Variants in NAV3 observed in about 807,000 individuals in gnomAD.
NAV3 encodes pore membrane and/or filament interacting like protein 1.
Under a neutral mutation model 244.7 loss-of-function variants are expected in NAV3, and 87 were observed. That is an observed-to-expected ratio of 0.36 (90% CI 0.30 to 0.42). The LOEUF is 0.42. NAV3 is among the 20% of genes least tolerant of loss of function. The pLI, the probability that NAV3 is intolerant of heterozygous loss-of-function variation, is 1.00. For missense variants in NAV3, 2,663 were observed against 2,893.3 expected, an observed-to-expected ratio of 0.92 and a Z score of 1.83; for synonymous variants, 1,126 against 1,042.2, an observed-to-expected ratio of 1.08 and a Z score of -1.55.
chr12:78,128,667 G>A, intron 17 of NAV3, 39 bp from the exon 18 acceptor site: 1 of 1,592,472 alleles, frequency 6.3e-7, no homozygotes, highest in Non-Finnish European at 8.6e-7. Flanking sequence ...CCTTGCCCTT[G>A]TAGATGTGCT....
chr12:77,848,133 T>C (rs370521000), intron 1 of NAV3, among the ~76,000 whole-genome samples: 5 of 152,192 alleles, frequency 3.3e-5, no homozygotes, highest in African/African-American at 1.2e-4. Context: ...CTAATGAACG[T>C]AGTAAAACTT....
At chr12:77,682,135 C>T (rs1156693343) in intron 2 of NAV3, among the ~76,000 whole-genome samples, 1 of 152,024 alleles carries the variant, frequency 6.6e-6, no homozygotes, top group Non-Finnish European at 1.5e-5. Context: ...TGGTCCCCTG[C>T]CACCCCCCAC....
intron 39 of NAV3, among the ~76,000 whole-genome samples, chr12:78,209,882 C>G (rs1960721220): frequency 6.6e-6 from 1 of 152,340 alleles, no homozygotes; most frequent in East Asian, 1.9e-4. Flanking sequence ...GTCACCTCCT[C>G]CCGAGGTCAG....
intron 3 of NAV3, among the ~76,000 whole-genome samples, chr12:77,963,014 TGTTA>T (rs71440502): frequency 0.095 from 14,415 of 152,198 alleles, 862 homozygotes; most frequent in Non-Finnish European, 0.13. Flanking sequence ...ATTTGAATTT[TGTTA>T]GTTTGTTTGA....
At chr12:77,694,653 A>G (rs961652180) in intron 2 of NAV3, among the ~76,000 whole-genome samples, 2 of 152,128 alleles carry the variant, frequency 1.3e-5, no homozygotes, top group African/African-American at 4.8e-5. Flanking sequence ...TGGCCCTTCT[A>G]GATACTTAAT....
intron 9 of NAV3, among the ~76,000 whole-genome samples, chr12:78,028,782 A>G (rs114356577): frequency 0.016 from 2,419 of 152,324 alleles, 68 homozygotes; most frequent in African/African-American, 0.055. Context: ...AATTTATTTG[A>G]TTATATTTAT....
chr12:78,004,638 C>G (rs1593252521), intron 7 of NAV3, among the ~76,000 whole-genome samples: 1 of 152,326 alleles, frequency 6.6e-6, no homozygotes, highest in African/African-American at 2.4e-5. Flanking sequence ...GTAGAAACTA[C>G]AGGTGCTGCC....
At chr12:77,731,119 A>G (rs1475064233) in intron 2 of NAV3, among the ~76,000 whole-genome samples, 1 of 152,014 alleles carries the variant, frequency 6.6e-6, no homozygotes, top group Non-Finnish European at 1.5e-5. Flanking sequence ...TGAAGATAGC[A>G]TGAGATTCAG....
chr12:78,165,509 T>A (rs1957743855), intron 23 of NAV3, among the ~76,000 whole-genome samples: 1 of 151,974 alleles, frequency 6.6e-6, no homozygotes, highest in African/African-American at 2.4e-5. Flanking sequence ...GAAAATATTT[T>A]AAAAATTTCT....
intron 2 of NAV3, among the ~76,000 whole-genome samples, chr12:77,633,081 A>G (rs1871987460): frequency 6.6e-6 from 1 of 152,124 alleles, no homozygotes; most frequent in Admixed American, 6.5e-5. Flanking sequence ...TTATTAGGTG[A>G]ATTTTAATGA....
chr12:77,678,655 A>G (rs1203056008), intron 2 of NAV3, among the ~76,000 whole-genome samples: 1 of 152,172 alleles, frequency 6.6e-6, no homozygotes, highest in African/African-American at 2.4e-5. Context: ...CAATTGTAGG[A>G]AGGCTGTTTC....
intron 1 of NAV3, among the ~76,000 whole-genome samples, chr12:77,882,587 A>G (rs1349422963): frequency 6.6e-6 from 1 of 152,170 alleles, no homozygotes; most frequent in Non-Finnish European, 1.5e-5. Flanking sequence ...AGTTGGACCT[A>G]ATTAAACTAA....
At chr12:77,969,488 A>G (rs1892814557) in intron 5 of NAV3, among the ~76,000 whole-genome samples, 1 of 152,162 alleles carries the variant, frequency 6.6e-6, no homozygotes. Context: ...TCTCATCATG[A>G]GTTGAAATTG....
At chr12:77,648,224 C>CA (rs1431676706) in intron 2 of NAV3, among the ~76,000 whole-genome samples, 2 of 152,066 alleles carry the variant, frequency 1.3e-5, no homozygotes, top group Admixed American at 6.6e-5. Flanking sequence ...AATTTATTGT[C>CA]AAACAGTCTG....
intron 1 of NAV3, among the ~76,000 whole-genome samples, chr12:77,843,290 T>C (rs573389997): frequency 1.3e-5 from 2 of 152,242 alleles, no homozygotes; most frequent in East Asian, 1.9e-4. Context: ...CTAGACCTAT[T>C]GTATTACAAA....
chr12:78,093,448 TC>T (rs1488815152), intron 12 of NAV3, among the ~76,000 whole-genome samples: 8 of 152,222 alleles, frequency 5.3e-5, no homozygotes, highest in African/African-American at 1.9e-4. Context: ...CATTTTGATC[TC>T]TGGTTAGGAA....
intron 2 of NAV3, among the ~76,000 whole-genome samples, chr12:77,752,526 T>G (rs1169135770): frequency 6.6e-6 from 1 of 152,072 alleles, no homozygotes; most frequent in Non-Finnish European, 1.5e-5. Context: ...TGCAGAGCAA[T>G]CAGGACAGAT....
chr12:78,073,007 C>T (rs2137664907), intron 12 of NAV3, among the ~76,000 whole-genome samples: 1 of 142,834 alleles, frequency 7.0e-6, no homozygotes, highest in African/African-American at 2.5e-5. Flanking sequence ...TAAAAACTCT[C>T]AATAAATTAG....
rs146160389 is a variant in NAV3 at position 77,652,094 on chromosome 12, T to G, written c.72+79828T>G. Reference sequence around the variant, plus strand: ...AACATCACTCTACTGTCCTTACCTATAAAATTGTAATACTACTACCACCTA... The same window carrying G: ...AACATCACTCTACTGTCCTTACCTAGAAAATTGTAATACTACTACCACCTA... On this transcript the variant is annotated intron_variant, in intron 2 of 8. Transcript: ENST00000550042. Among the ~76,000 whole-genome samples the G allele has an allele frequency of 3.3e-5, 5 of 152,298 alleles. No homozygotes were observed. In the East Asian group the frequency reaches 9.6e-4, roughly 29 times the overall value.
Sources: gnomAD v4.1 joint callset for allele counts (sites outside exome capture counted in the v4.1 genomes callset) on GRCh38, gnomAD v4.1.1 for gene constraint, MANE v1.5 for transcripts, NCBI Gene and HGNC (gene_info 2026-07-23, HGNC 2026-07-21) for gene names.